FADS2: variants seen among roughly 807,000 people sequenced by gnomAD.
The protein encoded by FADS2 is acyl-CoA 6-desaturase.
FADS2 carries 18 observed loss-of-function variants against 61.2 expected under a neutral mutation model. That is an observed-to-expected ratio of 0.29 (90% confidence interval 0.20 to 0.44). The LOEUF (loss-of-function observed/expected upper bound fraction) is 0.44, where lower values mean the gene tolerates loss of function less well. Among genes scored for constraint, FADS2 ranks in the 20% least tolerant of loss-of-function variants. The pLI is 1.00. For missense variants in FADS2, 322 were observed against 572.7 expected, an observed-to-expected ratio of 0.56 and a Z score of 4.47; for synonymous variants, 203 against 223.9, an observed-to-expected ratio of 0.91 and a Z score of 0.83.
intron 5 of FADS2, among the ~76,000 whole-genome samples, chr11:61,853,306 T>C (rs1476269972): frequency 0.011 from 1,315 of 124,452 alleles, 33 homozygotes; most frequent in African/African-American, 0.042. Flanking sequence ...CTTCCTTCCT[T>C]CCTTCCTTCC....
At chr11:61,816,210 C>T, upstream of FADS2, 1 of 1,562,846 alleles carries the variant, frequency 6.4e-7, no homozygotes, top group South Asian at 1.1e-5. This position sits in a 1 kb window ranked among gnomAD's most constrained non-coding sequence, Gnocchi z 7.0. Context: ...TGCATCCTTG[C>T]TCTCCTCCCT....
At chr11:61,819,472 G>C (rs2067020702) in intron 1 of FADS2, among the ~76,000 whole-genome samples, 1 of 152,084 alleles carries the variant, frequency 6.6e-6, no homozygotes. Context: ...CTTGAATCCG[G>C]GAGGCAGAGG....
rs553336304 is a variant in FADS2, at chr11:61,857,249, G to A, written c.805+178G>A. Among the ~76,000 whole-genome samples the A allele has an allele frequency of 5.3e-5, 8 of 152,254 alleles. No homozygotes were observed. The East Asian group carries it at 1.4e-3, about 26-fold the overall frequency. On this transcript the variant is annotated intron_variant, in intron 6 of 11. Transcript: ENST00000278840. ...CTCAGCCTGTGTTACAGGCCTGATG[G>A]GGACACAGAGGCTCAGAGAGTCCCA...
At chr11:61,826,208 C>T (rs972371733), upstream of FADS2, 22 of 702,386 alleles carry the variant, frequency 3.1e-5, no homozygotes, top group East Asian at 1.9e-4. Flanking sequence ...CATCTACCGC[C>T]GGCCTCATTG....
intron 1 of FADS2, among the ~76,000 whole-genome samples, chr11:61,820,286 G>C (rs2067027646): frequency 6.6e-6 from 1 of 151,898 alleles, no homozygotes; most frequent in South Asian, 2.1e-4. Context: ...ACTTTGGTAA[G>C]GTGCTGGGAA....
chr11:61,857,626 G>A lies in FADS2; in HGVS notation c.882+96G>A, dbSNP rs1435219881. ...CGCTGCCTCCTCGTGTGCCCCAGTG[G>A]AGCCTGTGGGGCCCCAGGCATCTCC... On this transcript the variant is annotated intron_variant, in intron 7 of 11. Coordinates refer to ENST00000278840, the MANE Select transcript of FADS2 (RefSeq NM_004265.4). 9 of 1,113,648 alleles carry A rather than the reference G, an allele frequency of 8.1e-6. 1 individual carries two copies. Among genetic ancestry groups the A allele is most frequent in the African/African-American group, 4.6e-5 (3 of 65,300 alleles). The allele number at this position is 1,113,648 out of a possible 1,614,324, so 69.0% of individuals were successfully genotyped here.
At chr11:61,845,784 CAAAA>C (rs548433908) in intron 4 of FADS2, among the ~76,000 whole-genome samples, 29 of 84,100 alleles carry the variant, frequency 3.4e-4, no homozygotes, top group African/African-American at 4.6e-4. Context: ...AACTCTGTCT[CAAAA>C]AAAAAAAAAA....
rs746271437 is a variant in FADS2, at chr11:61,863,065, A to G, written c.976A>G (p.Ile326Val). 11 of 1,613,144 alleles carry G rather than the reference A, an allele frequency of 6.8e-6. No individual in the cohort carries two copies. The highest frequency in any genetic ancestry group is 9.3e-6 in the Non-Finnish European group (11 of 1,179,240). The change falls in exon 8 of 12, where the codon ATC becomes GTC. Residue 326 changes from isoleucine to valine, a missense_variant. This residue lies in a region of FADS2 where 221 missense variants were observed against 427.9 expected (regional missense o/e 0.52). Transcript: ENST00000278840. Reference protein sequence around the residue: ...ILGALLFLNFIRFLESHWFVW... With the variant: ...ILGALLFLNFVRFLESHWFVW... ...GGGAGCCCTCCTTTTCCTCAACTTC[A>G]TCAGGTGCCTGGGCTTTGCTGATTC...
chr11:61,826,855 A>G (rs938650918), upstream of FADS2, among the ~76,000 whole-genome samples: 1 of 152,098 alleles, frequency 6.6e-6, no homozygotes, highest in Non-Finnish European at 1.5e-5. Flanking sequence ...TTGCTGTGAA[A>G]TTTAGATTGG....
chr11:61,862,635 T>G, intron 7 of FADS2: 3 of 305,922 alleles, frequency 9.8e-6, no homozygotes, highest in South Asian at 3.6e-5. Context: ...TGGCCCCGGG[T>G]TGGGGGCGCA....
rs1591183201 is a variant in FADS2, at chr11:61,865,040, G to A, written c.1158-112G>A. The A allele has an allele frequency of 3.1e-6, 4 of 1,300,652 alleles. No homozygotes were observed. The highest frequency in any genetic ancestry group is 2.9e-5 in the African/African-American group (2 of 68,438). 80.6% of individuals were successfully genotyped at this position (1,300,652 alleles called of 1,614,324 possible). A position where few individuals can be genotyped will look rare whatever the true frequency, so the allele number is the denominator to read the frequency against. On this transcript the variant is annotated intron_variant, in intron 10 of 11. Coordinates refer to ENST00000278840, the MANE Select transcript of FADS2 (RefSeq NM_004265.4). This position sits in a 1 kb window ranked among gnomAD's most constrained non-coding sequence, Gnocchi z 4.1. ...CCACACTTTGAGACTGGTCCTGGCTGTGGACAGGGTCTCTGAGGGCCCCAG... is the reference window on the plus strand; with the variant it reads ...CCACACTTTGAGACTGGTCCTGGCTATGGACAGGGTCTCTGAGGGCCCCAG...
intron 5 of FADS2, chr11:61,854,094 G>C (rs887957047): frequency 6.6e-6 from 1 of 152,294 alleles, no homozygotes; most frequent in African/African-American, 2.4e-5. Flanking sequence ...GCTGATCAGG[G>C]GGAGGTCCAT....
chr11:61,826,116 G>C, upstream of FADS2: 2 of 702,520 alleles, frequency 2.8e-6, no homozygotes, highest in Non-Finnish European at 2.6e-6. Context: ...CCTGCTTTAC[G>C]GATGTCCAAG....
At position 61,816,908 on chromosome 11, in the gene FADS2, G is replaced by T; in HGVS notation, c.141+482G>T. On this transcript the variant is annotated intron_variant, in intron 1 of 11. Transcript: ENST00000257261. The surrounding 1 kb of genome is among the most constrained non-coding windows in gnomAD (Gnocchi z 7.0). Reference sequence around the variant, plus strand: ...TCAGCACCGCAGGGCAGACCGGCGGGCCTCGCAGCGCGCGTTCCCATTGGC... The same window carrying T: ...TCAGCACCGCAGGGCAGACCGGCGGTCCTCGCAGCGCGCGTTCCCATTGGC... 2 of 1,406,742 alleles carry T rather than the reference G, an allele frequency of 1.4e-6. No homozygotes were observed. The highest frequency in any genetic ancestry group is 9.2e-7 in the Non-Finnish European group (1 of 1,092,430). The allele number at this position is 1,406,742 out of a possible 1,614,324, so 87.1% of individuals were successfully genotyped here. A position where few individuals can be genotyped will look rare whatever the true frequency, so the allele number is the denominator to read the frequency against.
Position 61,863,894 on chromosome 11 carries a change from A to T in FADS2, c.1157+108A>T, listed in dbSNP as rs1024234742. The T allele has an allele frequency of 4.4e-5, 41 of 924,158 alleles. No individual in the cohort carries two copies. The Admixed American group carries it at 6.0e-4, about 14-fold the overall frequency. The allele number at this position is 924,158 out of a possible 1,614,324, so 57.2% of individuals were successfully genotyped here. On this transcript the variant is annotated intron_variant, in intron 10 of 11. Coordinates refer to ENST00000278840, the MANE Select transcript of FADS2 (RefSeq NM_004265.4). ...TGGGGGCCACCTCTTTGTCTCTCTG[A>T]CAAGGTCTCTGCCCAATATAGAGCA...
rs903560512 is a variant in FADS2 at position 61,816,502 on chromosome 11, G to C, written c.141+76G>C. On this transcript the variant is annotated intron_variant, in intron 1 of 11. Coordinates refer to the FADS2 transcript ENST00000257261. This position sits in a 1 kb window ranked among gnomAD's most constrained non-coding sequence, Gnocchi z 7.0. ...CGGAGTGCGTAACTCTGTCTCCCCT[G>C]CACTCAGCCTCCGGTCCCGCCCTCT... The C allele has an allele frequency of 9.5e-5, 152 of 1,599,672 alleles. No homozygotes were observed. Among genetic ancestry groups the C allele is most frequent in the Non-Finnish European group, 1.3e-4 (148 of 1,176,626 alleles).
chr11:61,826,566 T>G, upstream of FADS2: 1 of 600,808 alleles, frequency 1.7e-6, no homozygotes, highest in South Asian at 2.0e-5. Flanking sequence ...CGTTTGACAG[T>G]CCTCAAGGCC....
At chr11:61,824,443 GGAGGGAGGGAGGGAGGGAGA>G (rs2067058610), upstream of FADS2, among the ~76,000 whole-genome samples, 1 of 5,046 alleles carries the variant, frequency 2.0e-4, no homozygotes. Flanking sequence ...AGGGAGGGAG[GGAGGGAGGGAGGGAGGGAGA>G]GAGAGAGAGA....
intron 2 of FADS2, among the ~76,000 whole-genome samples, chr11:61,838,862 G>C (rs1469074501): frequency 6.6e-6 from 1 of 151,976 alleles, no homozygotes; most frequent in African/African-American, 2.4e-5. Context: ...GGCTTCCCCA[G>C]CTCTGCTCGT....
Sources: gnomAD v4.1 joint callset for allele counts (sites outside exome capture counted in the v4.1 genomes callset) on GRCh38, gnomAD v4.1.1 for gene constraint, gnomAD v4.1.1 regional missense constraint, Gnocchi (gnomAD v3.1) non-coding constraint, MANE v1.5 for transcripts, NCBI Gene and HGNC (gene_info 2026-07-23, HGNC 2026-07-21) for gene names.